The following SYN2 variants were observed in gnomAD, a reference collection of about 807,000 sequenced individuals.
SYN2 encodes synapsin-2.
Under a neutral mutation model 50.9 loss-of-function variants are expected in SYN2, and 19 were observed. The observed-to-expected ratio is 0.37, with a 90% CI of 0.26 to 0.55. SYN2 has a LOEUF of 0.55. SYN2 is among the 20% of genes least tolerant of loss of function. SYN2 has a pLI of 0.81. For missense variants in SYN2, 587 were observed against 576.4 expected (o/e 1.02, Z -0.19); for synonymous variants, 255 against 224.9 (o/e 1.13, Z -1.20).
At chr3:12,081,549 G>C (rs1218352103) in intron 1 of SYN2, among the ~76,000 whole-genome samples, 2 of 152,088 alleles carry the variant, frequency 1.3e-5, no homozygotes, top group African/African-American at 4.8e-5. Context: ...TTCAGACAGT[G>C]ATCAGTCCTT....
At chr3:12,016,057 A>G (rs116493997) in intron 1 of SYN2, among the ~76,000 whole-genome samples, 1 of 152,350 alleles carries the variant, frequency 6.6e-6, no homozygotes, top group Non-Finnish European at 1.5e-5. Flanking sequence ...AAGGCCCTCA[A>G]TAACACAACT....
At position 12,092,256 on chromosome 3, in the gene SYN2, C is replaced by T. The variant is rs947745977; in HGVS notation, c.378-48395C>T. 2.0e-5 allele frequency among the ~76,000 whole-genome samples: 3 copies of T among 152,098 alleles called. 1 individual carries two copies. Among genetic ancestry groups the T allele is most frequent in the South Asian group, 4.2e-4 (2 of 4,812 alleles). On this transcript the variant is annotated intron_variant, in intron 1 of 12. Transcript: ENST00000621198. The stretch of plus-strand genomic sequence containing the variant: ...GAGCACCAAACGTTCAAACTTTCCT[C>T]GCTATACTTTTAAGCATAATTTCTA...
At chr3:12,075,428 C>T (rs920169206) in intron 1 of SYN2, among the ~76,000 whole-genome samples, 1 of 152,110 alleles carries the variant, frequency 6.6e-6, no homozygotes, top group South Asian at 2.1e-4. Context: ...ACTTTGAGTA[C>T]AATTGATATG....
intron 10 of SYN2, among the ~76,000 whole-genome samples, chr3:12,176,614 G>A (rs774277962): frequency 6.6e-6 from 1 of 152,230 alleles, no homozygotes; most frequent in Non-Finnish European, 1.5e-5. Context: ...CATCTGAAAT[G>A]TTTCCAGTCT....
intron 1 of SYN2, among the ~76,000 whole-genome samples, chr3:12,085,148 T>C (rs941593348): frequency 6.6e-6 from 1 of 151,260 alleles, no homozygotes; most frequent in African/African-American, 2.4e-5. Flanking sequence ...AGAGACTCAC[T>C]TCACTGTTAA....
chr3:12,103,243 T>G (rs1017719437), intron 1 of SYN2, among the ~76,000 whole-genome samples: 1 of 151,992 alleles, frequency 6.6e-6, no homozygotes, highest in Admixed American at 6.6e-5. Flanking sequence ...GAAATAAAAT[T>G]TATTATATAA....
intron 7 of SYN2, 30 bp downstream of exon 7, chr3:12,162,184 C>T (rs1697670023): frequency 3.7e-6 from 6 of 1,607,548 alleles, no homozygotes; most frequent in Non-Finnish European, 5.1e-6. Flanking sequence ...GTTTTCTCCT[C>T]AGTGATGATG....
chr3:12,141,425 AG>A (rs1457962307), intron 2 of SYN2, among the ~76,000 whole-genome samples: 1 of 152,224 alleles, frequency 6.6e-6, no homozygotes, highest in Non-Finnish European at 1.5e-5. Context: ...TTTGTAGATC[AG>A]GGAAATGGAA....
intron 1 of SYN2, among the ~76,000 whole-genome samples, chr3:12,049,161 A>G (rs976991475): frequency 6.6e-6 from 1 of 152,132 alleles, no homozygotes; most frequent in Admixed American, 6.5e-5. Context: ...AATGCTTACT[A>G]GTTTAGCATA....
chr3:12,022,359 T>C (rs1005375194), intron 1 of SYN2, among the ~76,000 whole-genome samples: 1 of 152,216 alleles, frequency 6.6e-6, no homozygotes, highest in African/African-American at 2.4e-5. Flanking sequence ...CTTTGGATTT[T>C]AAAGAATGAA....
chr3:12,084,264 A>G (rs1695642763), intron 1 of SYN2, among the ~76,000 whole-genome samples: 1 of 152,152 alleles, frequency 6.6e-6, no homozygotes, highest in African/African-American at 2.4e-5. Flanking sequence ...CCTTCAAAAT[A>G]ATAGAGAGTT....
chr3:12,039,901 A>G (rs1373637113), intron 1 of SYN2, among the ~76,000 whole-genome samples: 1 of 152,174 alleles, frequency 6.6e-6, no homozygotes, highest in Non-Finnish European at 1.5e-5. Context: ...GCCTTTAAGT[A>G]GTTGATAGTC....
intron 1 of SYN2, among the ~76,000 whole-genome samples, chr3:12,041,824 C>T (rs1471704992): frequency 6.6e-6 from 1 of 152,162 alleles, no homozygotes; most frequent in African/African-American, 2.4e-5. Context: ...GATATTCCTC[C>T]CCAGCATTCA....
At chr3:12,149,934 C>T (rs1192730584) in intron 4 of SYN2, among the ~76,000 whole-genome samples, 5 of 152,208 alleles carry the variant, frequency 3.3e-5, no homozygotes, top group Admixed American at 3.3e-4. Flanking sequence ...TTAACCATCT[C>T]ATTTTATATA....
At chr3:12,189,019 G>A (rs1253244696) in intron 12 of SYN2, among the ~76,000 whole-genome samples, 1 of 152,232 alleles carries the variant, frequency 6.6e-6, no homozygotes, top group African/African-American at 2.4e-5. Flanking sequence ...AGAGGCCAGC[G>A]TGTTGGGTCT....
intron 1 of SYN2, among the ~76,000 whole-genome samples, chr3:12,096,437 G>C (rs1247264037): frequency 6.6e-6 from 1 of 152,050 alleles, no homozygotes; most frequent in Admixed American, 6.5e-5. Context: ...GCTCCAGAAG[G>C]ACATCCTCAC....
At chr3:12,140,879 C>A (rs978460012) in intron 2 of SYN2, among the ~76,000 whole-genome samples, 171 bp downstream of exon 2, 2 of 152,226 alleles carry the variant, frequency 1.3e-5, no homozygotes, top group Admixed American at 1.3e-4. Flanking sequence ...GTCTGTGAGG[C>A]ATGGTCCTGG....
chr3:12,040,430 C>CTTTTTTTT (rs34991752), intron 1 of SYN2, among the ~76,000 whole-genome samples: 1 of 109,274 alleles, frequency 9.2e-6, no homozygotes, highest in African/African-American at 3.3e-5. Flanking sequence ...AGTTCTGTTT[C>CTTTTTTTT]TTTTTTTTTT....
intron 1 of SYN2, among the ~76,000 whole-genome samples, chr3:12,064,259 G>A (rs1695166583): frequency 6.6e-6 from 1 of 152,024 alleles, no homozygotes; most frequent in African/African-American, 2.4e-5. Flanking sequence ...CTGAGAAACT[G>A]TCAAGAGGAG....
Sources: allele counts gnomAD v4.1 joint callset (sites outside exome capture counted in the v4.1 genomes callset), GRCh38; gene constraint gnomAD v4.1.1; transcripts MANE v1.5; gene names NCBI Gene and HGNC (gene_info 2026-07-23, HGNC 2026-07-21).